IFT74: variants seen among roughly 807,000 people sequenced by gnomAD.
The protein encoded by IFT74 is intraflagellar transport 74.
A neutral mutation model predicts 96.7 loss-of-function variants in IFT74; 92 were observed. The observed-to-expected ratio is 0.95, with a 90% CI of 0.80 to 1.13. The LOEUF (loss-of-function observed/expected upper bound fraction) is 1.13, where lower values mean the gene tolerates loss of function less well. Ranked by LOEUF, IFT74 falls within the 50% of genes most tolerant of loss-of-function variation. IFT74 has a pLI of 0.00. For missense variants in IFT74, 811 were observed against 698.2 expected (o/e 1.16, Z -1.82); for synonymous variants, 223 against 213.2 (o/e 1.05, Z -0.40).
intron 7 of IFT74, among the ~76,000 whole-genome samples, chr9:26,989,558 C>G (rs1196592909): frequency 1.3e-5 from 2 of 152,104 alleles, no homozygotes; most frequent in African/African-American, 4.8e-5. Context: ...AATGACTCTT[C>G]TAAATTTGGG....
chr9:26,970,703 A>T (rs1341015477), intron 2 of IFT74, among the ~76,000 whole-genome samples: 1 of 152,234 alleles, frequency 6.6e-6, no homozygotes, highest in Admixed American at 6.5e-5. Context: ...AACTCATTTT[A>T]TTTGAATTTG....
chr9:26,979,703 CTTTTTTTTTTTTTTT>C (rs951706952), intron 3 of IFT74, among the ~76,000 whole-genome samples: 1 of 75,488 alleles, frequency 1.3e-5, no homozygotes, highest in South Asian at 5.8e-4. Context: ...GGAACACTTT[CTTTTTTTTTTTTTTT>C]TTTTTTTTTT....
intron 1 of IFT74, among the ~76,000 whole-genome samples, chr9:26,949,476 TC>T (rs1825866956): frequency 1.3e-5 from 2 of 152,192 alleles, no homozygotes; most frequent in African/African-American, 4.8e-5. Context: ...ATTTTCTTAG[TC>T]TTGCTTCCAC....
chr9:27,031,795 TGTAAA>T (rs1830142489), intron 13 of IFT74, among the ~76,000 whole-genome samples: 1 of 135,850 alleles, frequency 7.4e-6, no homozygotes. Context: ...TAAAATAAAA[TGTAAA>T]ATAAAATAAA....
chr9:26,955,110 G>A (rs1826038375), upstream of IFT74, among the ~76,000 whole-genome samples: 1 of 152,144 alleles, frequency 6.6e-6, no homozygotes, highest in Admixed American at 6.5e-5. Flanking sequence ...GGGTCCTTAA[G>A]TGCAAGGAAC....
At chr9:27,051,849 G>C (rs1819934385) in intron 16 of IFT74, among the ~76,000 whole-genome samples, 1 of 152,130 alleles carries the variant, frequency 6.6e-6, no homozygotes. Flanking sequence ...TTTAGCTATT[G>C]TGAATAATGC....
chr9:27,044,386 C>A (rs943676198), intron 13 of IFT74, among the ~76,000 whole-genome samples: 1 of 152,118 alleles, frequency 6.6e-6, no homozygotes, highest in Non-Finnish European at 1.5e-5. Context: ...AGTATAAACT[C>A]TGTGAGTGAA....
intron 10 of IFT74, among the ~76,000 whole-genome samples, chr9:27,013,863 G>A (rs374099301): frequency 6.6e-6 from 1 of 152,150 alleles, no homozygotes; most frequent in Admixed American, 6.6e-5. Flanking sequence ...AAAGAAATGA[G>A]TATTTTGTAA....
At chr9:27,055,859 A>T (rs1331750041) in intron 17 of IFT74, 87 bp downstream of exon 17, 1 of 838,160 alleles carries the variant, frequency 1.2e-6, no homozygotes, top group East Asian at 3.2e-5. Flanking sequence ...TATAGGATTT[A>T]TTATTTTAAG....
At chr9:26,975,600 G>T (rs946345201) in intron 2 of IFT74, among the ~76,000 whole-genome samples, 1 of 152,070 alleles carries the variant, frequency 6.6e-6, no homozygotes, top group Admixed American at 6.6e-5. Flanking sequence ...CCTGTCTTAC[G>T]TGAAACATTT....
At chr9:26,953,054 TAAG>T (rs1825982753), upstream of IFT74, among the ~76,000 whole-genome samples, 1 of 152,088 alleles carries the variant, frequency 6.6e-6, no homozygotes, top group Non-Finnish European at 1.5e-5. Context: ...GGAGAACAAA[TAAG>T]AAAGTTTGTG....
chr9:27,064,914 A>G lies in IFT74; in HGVS notation c.*2178A>G, dbSNP rs114523964. Among the ~76,000 whole-genome samples the G allele has an allele frequency of 4.7e-4, 71 of 152,176 alleles. No individual in the cohort carries two copies. Among genetic ancestry groups the G allele is most frequent in the African/African-American group, 1.7e-3 (70 of 41,520 alleles). On this transcript the variant is annotated 3_prime_UTR_variant, in exon 20 of 20. Transcript: ENST00000380062. ...TTTGGTATTTTCAAAATTGTCTGTG[A>G]TGTACATTTAATACTTAGAAATGCA... is the stretch of plus-strand genomic sequence containing the variant.
At chr9:26,964,501 A>G (rs1386174781) in intron 2 of IFT74, among the ~76,000 whole-genome samples, 2 of 151,982 alleles carry the variant, frequency 1.3e-5, no homozygotes, top group African/African-American at 2.4e-5. Context: ...TTCTGTGAAG[A>G]AAGTCATTGG....
intron 8 of IFT74, chr9:26,996,569 T>C: frequency 9.1e-7 from 1 of 1,104,386 alleles, no homozygotes; most frequent in Non-Finnish European, 1.2e-6. Flanking sequence ...ATAATTGTTT[T>C]ATCTAGAATT....
intron 16 of IFT74, among the ~76,000 whole-genome samples, chr9:27,054,937 A>G (rs996203900): frequency 6.6e-6 from 1 of 152,226 alleles, no homozygotes; most frequent in Non-Finnish European, 1.5e-5. Flanking sequence ...AAAATGTGTG[A>G]TAGGTAAACT....
rs758071368 is a variant in IFT74 at position 27,029,116 on chromosome 9, G to A, written c.1054+12G>A. 1.3e-6 allele frequency: 2 copies of A among 1,580,282 alleles called. No homozygotes were observed. Among genetic ancestry groups the A allele is most frequent in the East Asian group, 2.2e-5 (1 of 44,460 alleles). On this transcript the variant is annotated intron_variant, in intron 13 of 19. Transcript: ENST00000380062. ...AGAGGAACACCAAGGTATGCTTCTG[G>A]TATTTTTATAATGTAGATTAACAGA... is the stretch of plus-strand genomic sequence containing the variant.
intron 8 of IFT74, chr9:26,997,709 C>T: frequency 6.4e-7 from 1 of 1,566,322 alleles, no homozygotes; most frequent in Non-Finnish European, 8.6e-7. Flanking sequence ...TTTGGTTTTG[C>T]TTAATTATGA....
At chr9:26,988,802 T>C (rs1827747459) in intron 7 of IFT74, 74 bp downstream of exon 7, 3 of 1,299,766 alleles carry the variant, frequency 2.3e-6, no homozygotes, top group Non-Finnish European at 3.1e-6. Flanking sequence ...TATCTAGAAA[T>C]AGTTTGATAA....
intron 8 of IFT74, chr9:26,996,504 T>C (rs749626347): frequency 1.4e-6 from 2 of 1,420,900 alleles, no homozygotes; most frequent in South Asian, 1.8e-5. Context: ...CATTTTCTAG[T>C]AAATCAGAAA....
Sources: gnomAD v4.1 joint callset for allele counts (sites outside exome capture counted in the v4.1 genomes callset) on GRCh38, gnomAD v4.1.1 for gene constraint, MANE v1.5 for transcripts, NCBI Gene and HGNC (gene_info 2026-07-23, HGNC 2026-07-21) for gene names.